ACAP2: variants seen among roughly 807,000 people sequenced by gnomAD.
ACAP2 encodes the protein arf-GAP with coiled-coil, ANK repeat and PH domain-containing protein 2.
Under a neutral mutation model 115.8 loss-of-function variants are expected in ACAP2, and 39 were observed. The ratio of observed to expected loss-of-function variants is 0.34; its 90% CI spans 0.26 to 0.44. ACAP2 has a LOEUF of 0.44. ACAP2 is among the 20% of genes least tolerant of loss of function. ACAP2 has a pLI of 1.00. For synonymous variants in ACAP2, 289 were observed against 315.8 expected (o/e 0.92, Z 0.90); for missense variants, 662 against 927.6 (o/e 0.71, Z 3.72).
chr3:195,412,507 G>A (rs1461704036), intron 1 of ACAP2, among the ~76,000 whole-genome samples: 1 of 152,090 alleles, frequency 6.6e-6, no homozygotes. Flanking sequence ...AGCTACTCAG[G>A]AGGCTGAGGC....
intron 16 of ACAP2, among the ~76,000 whole-genome samples, chr3:195,296,218 G>GA (rs1039578782): frequency 9.9e-4 from 135 of 136,864 alleles, no homozygotes; most frequent in Non-Finnish European, 1.0e-3. Flanking sequence ...AACATCACCA[G>GA]AAAAAAAAAA....
rs769199951 is a variant in ACAP2 at position 195,391,230 on chromosome 3, T to TTC, written c.111+859_111+860insGA. Among the ~76,000 whole-genome samples, 46 of 79,166 alleles carry TTC rather than the reference T, an allele frequency of 5.8e-4. 2 individuals are homozygous for TTC. In the East Asian group the frequency reaches 6.0e-3, roughly 10 times the overall value. The allele number at this position is 79,166 out of a possible 152,430, so 51.9% of individuals were successfully genotyped here. A position where few individuals can be genotyped will look rare whatever the true frequency, so the allele number is the denominator to read the frequency against. On this transcript the variant is annotated intron_variant, in intron 2 of 22. Transcript: ENST00000326793. ...AAATACAGAAAAAGCTTCTCTTTCT[T>TTC]TTTTTTTTTTTTTTTTGAGATGGAG... is the stretch of plus-strand genomic sequence containing the variant.
chr3:195,307,198 T>C lies in ACAP2; in HGVS notation c.1010+25A>G, dbSNP rs1048998976. The C allele has an allele frequency of 2.5e-6, 4 of 1,575,876 alleles. No individual in the cohort carries two copies. In the African/African-American group the frequency reaches 4.1e-5, roughly 16 times the overall value. On this transcript the variant is annotated intron_variant, in intron 12 of 22. Coordinates refer to ENST00000326793, the MANE Select transcript of ACAP2 (RefSeq NM_012287.6). ...CAAACTATAAAAACATAAAAGCAAA[T>C]CACAGATCCTTTAGAACCACTTACT...
chr3:195,412,312 T>C (rs1259428625), intron 1 of ACAP2, among the ~76,000 whole-genome samples: 6 of 151,592 alleles, frequency 4.0e-5, no homozygotes, highest in African/African-American at 1.5e-4. Flanking sequence ...CAGGGTGTGA[T>C]GGCTCACACC....
Position 195,302,043 on chromosome 3 carries a change from G to A in ACAP2, c.1248C>T (p.Asp416=), listed in dbSNP as rs775367875. 3 of 1,614,032 alleles carry A rather than the reference G, an allele frequency of 1.9e-6. No individual in the cohort carries two copies. The highest frequency in any genetic ancestry group is 1.7e-5 in the Admixed American group (1 of 60,014). The change falls in exon 14 of 23, where the codon GAC becomes GAT. Residue 416 remains aspartate (D), a synonymous_variant. Transcript: ENST00000326793. ...CCCACCGTGGATCTGCCAGGCCACA[G>A]TCACAACAGCTGGCATTGCCAGGGA... ...QCIPGNASCC[D]CGLADPRWAS... is the part of the protein sequence containing the mutation.
chr3:195,380,838 A>G (rs79942749), intron 4 of ACAP2, among the ~76,000 whole-genome samples, 171 bp downstream of exon 4: 3,501 of 152,196 alleles, frequency 0.023, 137 homozygotes, highest in African/African-American at 0.08. Flanking sequence ...GCACACACAC[A>G]CTCACACACA....
intron 22 of ACAP2, among the ~76,000 whole-genome samples, chr3:195,283,066 T>C (rs1380383568): frequency 3.3e-5 from 5 of 152,138 alleles, no homozygotes; most frequent in Admixed American, 3.3e-4. Context: ...ATTCCCAACT[T>C]GTGCTTGCTA....
At chr3:195,441,896 G>A (rs1218762081) in intron 1 of ACAP2, 2 of 152,380 alleles carry the variant, frequency 1.3e-5, no homozygotes, top group South Asian at 2.1e-4. Flanking sequence ...ATAGAAAGAA[G>A]GGCAACCCAT....
intron 10 of ACAP2, among the ~76,000 whole-genome samples, chr3:195,314,432 T>G (rs1023676244): frequency 1.3e-5 from 2 of 152,048 alleles, no homozygotes; most frequent in African/African-American, 4.8e-5. Context: ...CATGACCAGC[T>G]AATTTTTATA....
chr3:195,364,063 C>T (rs1732549140), intron 4 of ACAP2, among the ~76,000 whole-genome samples: 1 of 151,976 alleles, frequency 6.6e-6, no homozygotes, highest in Non-Finnish European at 1.5e-5. Context: ...TTCTTAATAC[C>T]CTACAGAAGC....
At chr3:195,337,090 AAC>A (rs2108637547) in intron 6 of ACAP2, 114 bp from the exon 7 acceptor site, 1 of 898,580 alleles carries the variant, frequency 1.1e-6, no homozygotes, top group East Asian at 2.8e-5. Flanking sequence ...AGCAAATAAA[AAC>A]AAAGCTCAAG....
chr3:195,429,839 A>G (rs578212169), intron 1 of ACAP2, among the ~76,000 whole-genome samples: 1 of 152,320 alleles, frequency 6.6e-6, no homozygotes, highest in South Asian at 2.1e-4. Flanking sequence ...TAGGTCTTCC[A>G]TTTAGATCTA....
At chr3:195,319,515 G>A (rs372937322) in intron 10 of ACAP2, among the ~76,000 whole-genome samples, 19 of 152,334 alleles carry the variant, frequency 1.2e-4, no homozygotes, top group African/African-American at 3.6e-4. Flanking sequence ...GAACCCACCC[G>A]CTGCATAGCC....
At chr3:195,331,151 T>C (rs1408125619) in intron 8 of ACAP2, among the ~76,000 whole-genome samples, 2 of 152,126 alleles carry the variant, frequency 1.3e-5, no homozygotes, top group Non-Finnish European at 2.9e-5. Context: ...CTTGTTGGCT[T>C]CTCCCAAGAG....
chr3:195,420,128 C>A (rs1714058272), intron 1 of ACAP2, among the ~76,000 whole-genome samples: 1 of 152,010 alleles, frequency 6.6e-6, no homozygotes, highest in East Asian at 1.9e-4. Flanking sequence ...CCCTTTCTGT[C>A]AAGTTTTATA....
chr3:195,425,006 G>A (rs1164876336), intron 1 of ACAP2, among the ~76,000 whole-genome samples: 5 of 109,672 alleles, frequency 4.6e-5, no homozygotes, highest in East Asian at 3.1e-4. Flanking sequence ...CAGCCTGGGC[G>A]ACAGAGCGAG....
rs1166140482 is a variant in ACAP2, at chr3:195,290,181, G to A, written c.2064-950C>T. ...GAGGTCAGAAGTTCAAGACCAGCCT[G>A]AGCAACATAGCAAAATGTCTCTAAA... On this transcript the variant is annotated intron_variant, in intron 20 of 22. Coordinates refer to ENST00000326793, the MANE Select transcript of ACAP2 (RefSeq NM_012287.6). Among the ~76,000 whole-genome samples, 4 of 152,110 alleles carry A rather than the reference G, an allele frequency of 2.6e-5. No individual in the cohort carries two copies. The East Asian group carries it at 7.7e-4, about 29-fold the overall frequency.
chr3:195,380,583 T>C lies in ACAP2; in HGVS notation c.285+426A>G, dbSNP rs540666107. On this transcript the variant is annotated intron_variant, in intron 4 of 22. Transcript: ENST00000326793. Reference sequence around the variant, plus strand: ...ACACATATAAATAGCTCAAAGAATATAGCACTCTTTAATATTGGTAATTGT... The same window carrying C: ...ACACATATAAATAGCTCAAAGAATACAGCACTCTTTAATATTGGTAATTGT... 2.0e-4 allele frequency among the ~76,000 whole-genome samples: 31 copies of C among 152,232 alleles called. No individual in the cohort carries two copies. In the East Asian group the frequency reaches 4.8e-3, roughly 24 times the overall value.
intron 1 of ACAP2, 55 bp from the exon 2 acceptor site, chr3:195,392,202 C>T: frequency 7.2e-7 from 1 of 1,398,524 alleles, no homozygotes; most frequent in Non-Finnish European, 1.0e-6. Flanking sequence ...GTACACTTTA[C>T]TCTTGAAAAG....
Sources: allele counts gnomAD v4.1 joint callset (sites outside exome capture counted in the v4.1 genomes callset), GRCh38; gene constraint gnomAD v4.1.1; transcripts MANE v1.5; gene names NCBI Gene and HGNC (gene_info 2026-07-23, HGNC 2026-07-21).